Variants in IL1RAPL1 observed in about 807,000 individuals in gnomAD.
The protein encoded by IL1RAPL1 is interleukin-1 receptor accessory protein-like 1.
A neutral mutation model predicts 48.4 loss-of-function variants in IL1RAPL1; 3 were observed. That is an observed-to-expected ratio of 0.06 (90% CI 0.03 to 0.16). The LOEUF is 0.16. Among genes scored for constraint, IL1RAPL1 ranks in the 10% least tolerant of loss-of-function variants. The probability of loss-of-function intolerance (pLI) is 1.00; values close to 1 mark genes in which losing one functional copy is unlikely to be tolerated. For missense variants in IL1RAPL1, 349 were observed against 530.6 expected, an observed-to-expected ratio of 0.66 and a Z score of 3.36; for synonymous variants, 185 against 187.7, an observed-to-expected ratio of 0.99 and a Z score of 0.12.
At chrX:28,768,801 CATT>C (rs1412927389) in intron 1 of IL1RAPL1, among the ~76,000 whole-genome samples, 5 of 54,267 alleles carry the variant, frequency 9.2e-5, no homozygotes, top group African/African-American at 1.5e-4. Context: ...TATATACAGA[CATT>C]ATATATATAA....
intron 5 of IL1RAPL1, among the ~76,000 whole-genome samples, chrX:29,651,297 G>A (rs1025475797): frequency 9.0e-5 from 10 of 110,967 alleles, no homozygotes; most frequent in African/African-American, 3.3e-4. Context: ...AACGAAGTGA[G>A]TATGTCAGAA....
chrX:29,872,145 G>A (rs936424808), intron 6 of IL1RAPL1, among the ~76,000 whole-genome samples: 5 of 111,969 alleles, frequency 4.5e-5, no homozygotes, highest in East Asian at 5.6e-4. Context: ...CCTTCTATCC[G>A]TTGGGTCTAT....
chrX:28,826,155 A>G (rs1455137874), intron 2 of IL1RAPL1, among the ~76,000 whole-genome samples: 1 of 111,937 alleles, frequency 8.9e-6, no homozygotes, highest in African/African-American at 3.2e-5. Flanking sequence ...CCAGATGCAA[A>G]TAATGTATTT....
intron 1 of IL1RAPL1, among the ~76,000 whole-genome samples, chrX:28,778,305 A>C (rs1936380061): frequency 8.9e-6 from 1 of 112,181 alleles, no homozygotes; most frequent in African/African-American, 3.2e-5. Flanking sequence ...AAACACACAG[A>C]TATGTGGTAA....
intron 2 of IL1RAPL1, among the ~76,000 whole-genome samples, chrX:28,901,784 C>A (rs1250651815): frequency 8.9e-6 from 1 of 111,962 alleles, no homozygotes; most frequent in Non-Finnish European, 1.9e-5. Context: ...ATAGCGATTT[C>A]CATCCTCACT....
Position 28,766,162 on chromosome X carries a change from A to G in IL1RAPL1, c.-24-23158A>G, listed in dbSNP as rs1936235913. Among the ~76,000 whole-genome samples, 3 of 111,690 alleles carry G rather than the reference A, an allele frequency of 2.7e-5. No homozygotes were observed. In the Admixed American group the frequency reaches 2.9e-4, roughly 11 times the overall value. ...TTTTTCATAGATAGTAACCATAGAAAGCTCTGGTTTCTAGAGAGATTCAAT... is the reference window on the plus strand; with the variant it reads ...TTTTTCATAGATAGTAACCATAGAAGGCTCTGGTTTCTAGAGAGATTCAAT... On this transcript the variant is annotated intron_variant, in intron 1 of 10. Coordinates refer to ENST00000378993, the MANE Select transcript of IL1RAPL1 (RefSeq NM_014271.4).
chrX:28,934,526 C>T (rs1260391046), intron 2 of IL1RAPL1, among the ~76,000 whole-genome samples: 1 of 111,061 alleles, frequency 9.0e-6, no homozygotes, highest in African/African-American at 3.3e-5. Context: ...TTAACAGTTA[C>T]CACTCATATT....
chrX:29,138,101 C>T (rs780278890), intron 2 of IL1RAPL1, among the ~76,000 whole-genome samples: 1 of 112,305 alleles, frequency 8.9e-6, no homozygotes, highest in Non-Finnish European at 1.9e-5. Flanking sequence ...TGCCTTATTT[C>T]ATTAAATTTT....
intron 3 of IL1RAPL1, among the ~76,000 whole-genome samples, chrX:29,319,180 A>G (rs994045537): frequency 1.2e-4 from 10 of 86,568 alleles, no homozygotes; most frequent in East Asian, 9.0e-4. Flanking sequence ...CTATCTATCT[A>G]TCTATCTATC....
At chrX:29,549,844 G>A (rs904008037) in intron 5 of IL1RAPL1, among the ~76,000 whole-genome samples, 6 of 111,711 alleles carry the variant, frequency 5.4e-5, no homozygotes, top group Non-Finnish European at 7.5e-5. Context: ...AATGCCAATC[G>A]TGTAAGATAA....
At chrX:29,404,868 C>T (rs1256170629) in intron 5 of IL1RAPL1, among the ~76,000 whole-genome samples, 1 of 107,306 alleles carries the variant, frequency 9.3e-6, no homozygotes, top group Non-Finnish European at 1.9e-5. Flanking sequence ...TATTTTTCCC[C>T]TTTGAAAAAG....
At chrX:29,386,543 A>ATT (rs34017097) in intron 3 of IL1RAPL1, among the ~76,000 whole-genome samples, 1 of 86,630 alleles carries the variant, frequency 1.2e-5, no homozygotes. Context: ...TGAGTGAATG[A>ATT]TTTTTTTTTT....
At chrX:29,543,494 C>G (rs987826346) in intron 5 of IL1RAPL1, among the ~76,000 whole-genome samples, 2 of 110,530 alleles carry the variant, frequency 1.8e-5, no homozygotes, top group Non-Finnish European at 3.8e-5. Flanking sequence ...TGTGCGAACA[C>G]AATAATTGAA....
intron 1 of IL1RAPL1, among the ~76,000 whole-genome samples, chrX:28,602,820 A>C (rs1009039710): frequency 9.0e-6 from 1 of 111,622 alleles, no homozygotes; most frequent in African/African-American, 3.3e-5. Context: ...CAAAAGTATA[A>C]AAATAATATA....
At chrX:29,010,513 G>C (rs184744735) in intron 2 of IL1RAPL1, among the ~76,000 whole-genome samples, 6 of 111,645 alleles carry the variant, frequency 5.4e-5, no homozygotes, top group Non-Finnish European at 9.4e-5. Context: ...TATGGCTTTG[G>C]TTTTTAATTC....
At chrX:29,568,494 G>A (rs771069053) in intron 5 of IL1RAPL1, among the ~76,000 whole-genome samples, 15 of 110,236 alleles carry the variant, frequency 1.4e-4, no homozygotes, top group African/African-American at 2.0e-4. Context: ...AAAAAGTAGC[G>A]GATTTTATGT....
chrX:29,337,285 A>T (rs1933009166), intron 3 of IL1RAPL1, among the ~76,000 whole-genome samples: 1 of 112,176 alleles, frequency 8.9e-6, no homozygotes. Flanking sequence ...ATAGGTTTTG[A>T]GTTTATCAGT....
At chrX:29,342,954 G>A (rs878911761) in intron 3 of IL1RAPL1, among the ~76,000 whole-genome samples, 1 of 111,529 alleles carries the variant, frequency 9.0e-6, no homozygotes, top group Non-Finnish European at 1.9e-5. Context: ...TTTTTTTTCT[G>A]GAATAGAATT....
chrX:29,440,018 TGTG>T (rs769294696), intron 5 of IL1RAPL1, among the ~76,000 whole-genome samples: 1 of 74,223 alleles, frequency 1.3e-5, no homozygotes, highest in African/African-American at 5.4e-5. Flanking sequence ...TGTGTGTGTG[TGTG>T]TGTGAATGTG....
Sources: gnomAD v4.1 joint callset for allele counts (sites outside exome capture counted in the v4.1 genomes callset) on GRCh38, gnomAD v4.1.1 for gene constraint, MANE v1.5 for transcripts, NCBI Gene and HGNC (gene_info 2026-07-23, HGNC 2026-07-21) for gene names.